MDFIC: variants seen among roughly 807,000 people sequenced by gnomAD.
MDFIC encodes the protein MyoD family inhibitor domain containing.
Under a neutral mutation model 23.2 loss-of-function variants are expected in MDFIC, and 17 were observed. That is an observed-to-expected ratio of 0.73 (90% CI 0.50 to 1.10). The LOEUF (loss-of-function observed/expected upper bound fraction) is 1.10, where lower values mean the gene tolerates loss of function less well. Ranked by LOEUF, MDFIC falls within the 50% of genes least tolerant of loss-of-function variation. MDFIC has a pLI of 0.00. For missense variants in MDFIC, 356 were observed against 316.6 expected (o/e 1.12, Z -0.95); for synonymous variants, 120 against 115.2 (o/e 1.04, Z -0.27).
chr7:114,991,423 C>T (rs1336290791), intron 4 of MDFIC, among the ~76,000 whole-genome samples: 3 of 152,076 alleles, frequency 2.0e-5, no homozygotes, highest in Non-Finnish European at 2.9e-5. Flanking sequence ...AAGTCCTTGC[C>T]CATGCCTATG....
intron 3 of MDFIC, among the ~76,000 whole-genome samples, chr7:114,958,001 T>G (rs1220480066): frequency 6.6e-6 from 1 of 152,200 alleles, no homozygotes; most frequent in Non-Finnish European, 1.5e-5. Flanking sequence ...TATTAAAAAA[T>G]GAGTCATGGA....
intron 3 of MDFIC, among the ~76,000 whole-genome samples, chr7:114,961,487 TC>T (rs2115864823): frequency 6.6e-6 from 1 of 152,262 alleles, no homozygotes; most frequent in East Asian, 1.9e-4. Flanking sequence ...CAATCACTTT[TC>T]TCATATACTT....
At chr7:115,014,692 G>C (rs188671249) in intron 4 of MDFIC, among the ~76,000 whole-genome samples, 42 of 152,270 alleles carry the variant, frequency 2.8e-4, no homozygotes, top group African/African-American at 8.9e-4. Flanking sequence ...TTTCTGATAT[G>C]AGGCAAATGT....
intron 4 of MDFIC, among the ~76,000 whole-genome samples, chr7:114,991,289 T>G (rs1791152275): frequency 6.6e-6 from 1 of 152,106 alleles, no homozygotes; most frequent in Admixed American, 6.5e-5. Context: ...TTTTCTCCAA[T>G]TCTGTAGGTT....
rs1791825749 is a variant in MDFIC at position 115,018,022 on chromosome 7, C to T, written c.*2087C>T. Reference sequence around the variant, plus strand: ...AAACTTAGCAAACTTTTGAATCTTTCTTTTATTGCTATTTACACATACATA... The same window carrying T: ...AAACTTAGCAAACTTTTGAATCTTTTTTTTATTGCTATTTACACATACATA... On this transcript the variant is annotated 3_prime_UTR_variant, in exon 5 of 5. Transcript: ENST00000393486. 6.6e-6 allele frequency: 1 copy of T among 151,916 alleles called. No homozygotes were observed. Among genetic ancestry groups the T allele is most frequent in the African/African-American group, 2.4e-5 (1 of 41,440 alleles). The allele number at this position is 151,916 out of a possible 1,614,324, so 9.4% of individuals were successfully genotyped here.
At chr7:115,005,572 A>C (rs1449229932) in intron 4 of MDFIC, among the ~76,000 whole-genome samples, 1 of 152,180 alleles carries the variant, frequency 6.6e-6, no homozygotes, top group Non-Finnish European at 1.5e-5. Flanking sequence ...AGACGGTTTT[A>C]ATTTTACCTT....
chr7:115,005,784 T>C (rs1324086697), intron 4 of MDFIC, among the ~76,000 whole-genome samples: 1 of 152,190 alleles, frequency 6.6e-6, no homozygotes, highest in South Asian at 2.1e-4. Context: ...TGCTGTCCTG[T>C]TCATCTGTGG....
At chr7:114,992,801 T>A (rs188786520) in intron 4 of MDFIC, among the ~76,000 whole-genome samples, 1 of 152,352 alleles carries the variant, frequency 6.6e-6, no homozygotes, top group Non-Finnish European at 1.5e-5. Flanking sequence ...GATATTGGTC[T>A]AAAATTCTCT....
intron 2 of MDFIC, among the ~76,000 whole-genome samples, chr7:114,932,379 A>T (rs1447412078): frequency 6.6e-6 from 1 of 152,168 alleles, no homozygotes; most frequent in Middle Eastern, 3.2e-3. Context: ...CTGGTAATTG[A>T]TTATTTTGGA....
chr7:114,980,791 G>A (rs1793404575), intron 4 of MDFIC, among the ~76,000 whole-genome samples: 1 of 152,098 alleles, frequency 6.6e-6, no homozygotes, highest in South Asian at 2.1e-4. Context: ...CTGTGAAGTT[G>A]GTCATGCTTA....
At chr7:114,995,772 A>G (rs1441082786) in intron 4 of MDFIC, among the ~76,000 whole-genome samples, 1 of 152,180 alleles carries the variant, frequency 6.6e-6, no homozygotes, top group Non-Finnish European at 1.5e-5. Flanking sequence ...GGTGCCTCCC[A>G]GTTAGGCTAC....
intron 3 of MDFIC, among the ~76,000 whole-genome samples, chr7:114,973,103 A>G (rs10269706): frequency 0.6 from 69,033 of 115,784 alleles, 16,455 homozygotes; most frequent in Non-Finnish European, 0.65. Context: ...GTGTGTGTGT[A>G]TATATATATA....
intron 4 of MDFIC, among the ~76,000 whole-genome samples, chr7:114,989,557 C>G (rs1036026019): frequency 6.6e-6 from 1 of 152,120 alleles, no homozygotes; most frequent in African/African-American, 2.4e-5. Flanking sequence ...TCTTGACAAA[C>G]CAGCATATAG....
chr7:114,938,436 G>C (rs1792473605), intron 2 of MDFIC, among the ~76,000 whole-genome samples: 1 of 152,104 alleles, frequency 6.6e-6, no homozygotes, highest in African/African-American at 2.4e-5. Flanking sequence ...ATAAATAGTT[G>C]TGTAGTACAA....
At chr7:114,953,879 A>G (rs1792831527) in intron 3 of MDFIC, among the ~76,000 whole-genome samples, 1 of 152,188 alleles carries the variant, frequency 6.6e-6, no homozygotes, top group Non-Finnish European at 1.5e-5. Flanking sequence ...TGTCTAGGGA[A>G]TAATTAAAGA....
chr7:114,963,954 T>G (rs1401972777), intron 3 of MDFIC, among the ~76,000 whole-genome samples: 2 of 152,234 alleles, frequency 1.3e-5, no homozygotes, highest in Non-Finnish European at 2.9e-5. Flanking sequence ...TGGTACTTTC[T>G]AGATAAATGT....
chr7:114,966,787 C>T (rs1227823373), intron 3 of MDFIC, among the ~76,000 whole-genome samples: 4 of 152,012 alleles, frequency 2.6e-5, no homozygotes, highest in Admixed American at 2.6e-4. Flanking sequence ...ATTTTGATGC[C>T]ACAGGGCAGG....
rs939649018 is a variant in MDFIC at position 114,936,036 on chromosome 7, C to G, written c.95-6239C>G. On this transcript the variant is annotated intron_variant, in intron 2 of 4. Transcript: ENST00000393486. Reference sequence around the variant, plus strand: ...ACACTGTGCTTTCCTGTCTTGATTTCATTTATTTCCACATCCACCTTACGA... The same window carrying G: ...ACACTGTGCTTTCCTGTCTTGATTTGATTTATTTCCACATCCACCTTACGA... Among the ~76,000 whole-genome samples the G allele has an allele frequency of 7.2e-5, 11 of 152,244 alleles. No individual in the cohort carries two copies. The East Asian group carries it at 1.9e-3, about 27-fold the overall frequency.
intron 2 of MDFIC, among the ~76,000 whole-genome samples, chr7:114,927,045 A>T (rs1016965471): frequency 6.6e-6 from 1 of 152,068 alleles, no homozygotes; most frequent in Admixed American, 6.6e-5. Flanking sequence ...GTGAGTGGAG[A>T]TCAGGGACAC....
Sources: gnomAD v4.1 joint callset for allele counts (sites outside exome capture counted in the v4.1 genomes callset) on GRCh38, gnomAD v4.1.1 for gene constraint, MANE v1.5 for transcripts, NCBI Gene and HGNC (gene_info 2026-07-23, HGNC 2026-07-21) for gene names.